The following CYBB variants were observed in gnomAD, a reference collection of about 807,000 sequenced individuals.
The protein encoded by CYBB is NADPH oxidase 2.
Under a neutral mutation model 46.5 loss-of-function variants are expected in CYBB, and 5 were observed. The observed-to-expected ratio is 0.11, with a 90% CI of 0.06 to 0.23. CYBB has a LOEUF of 0.23. Ranked by LOEUF, CYBB falls within the 10% of genes least tolerant of loss-of-function variation. The pLI is 1.00. For synonymous variants in CYBB, 183 were observed against 156.7 expected, an observed-to-expected ratio of 1.17 and a Z score of -1.26; for missense variants, 307 against 428.3, an observed-to-expected ratio of 0.72 and a Z score of 2.50.
intron 2 of CYBB, among the ~76,000 whole-genome samples, chrX:37,783,181 A>G (rs1296054524): frequency 8.9e-6 from 1 of 111,951 alleles, no homozygotes; most frequent in Non-Finnish European, 1.9e-5. Context: ...AGAATGTGAT[A>G]AAGCAAGCAT....
intron 8 of CYBB, among the ~76,000 whole-genome samples, chrX:37,801,586 TTGTGTGTGTGTGTGTG>T (rs58302662): frequency 1.2e-5 from 1 of 84,585 alleles, no homozygotes; most frequent in Non-Finnish European, 2.3e-5. Context: ...CCCCCACCCA[TTGTGTGTGTGTGTGTG>T]TGTGTGTGTG....
chrX:37,807,183 G>A (rs960900894), intron 11 of CYBB, among the ~76,000 whole-genome samples: 4 of 110,458 alleles, frequency 3.6e-5, no homozygotes, highest in Non-Finnish European at 5.7e-5. Flanking sequence ...TGTTTATTAA[G>A]TTAGATGTAT....
rs992077108 is a variant in CYBB, at chrX:37,812,296, G to T, written c.*1379G>T. The T allele has an allele frequency of 1.2e-4, 13 of 111,817 alleles. No homozygotes were observed. Among genetic ancestry groups the T allele is most frequent in the African/African-American group, 4.2e-4 (13 of 30,793 alleles). 9.2% of individuals were successfully genotyped at this position (111,817 alleles called of 1,213,427 possible). A position where few individuals can be genotyped will look rare whatever the true frequency, so the allele number is the denominator to read the frequency against. The stretch of plus-strand genomic sequence containing the variant: ...CTCCCATTTCTGGGAACTAAAACCA[G>T]TTTTATTTGCCCCACCCCTTGGAGC... On this transcript the variant is annotated 3_prime_UTR_variant, in exon 13 of 13. Transcript: ENST00000378588.
At chrX:37,810,409 A>G (rs1346158296) in intron 12 of CYBB, among the ~76,000 whole-genome samples, 4 of 112,239 alleles carry the variant, frequency 3.6e-5, no homozygotes, top group African/African-American at 1.3e-4. Context: ...AAATTTAGAG[A>G]AATGAAGCCA....
chrX:37,793,273 G>T (rs1556467515), intron 4 of CYBB, among the ~76,000 whole-genome samples: 3 of 109,390 alleles, frequency 2.7e-5, no homozygotes, highest in African/African-American at 1.0e-4. Context: ...CACTACATGA[G>T]TGTTTTCTTG....
chrX:37,786,866 C>T lies in CYBB; in HGVS notation c.252+3266C>T, dbSNP rs199582860. On this transcript the variant is annotated intron_variant, in intron 3 of 12. Coordinates refer to ENST00000378588, the MANE Select transcript of CYBB (RefSeq NM_000397.4). ...CTCAGTGTGCCTCTATCTTTAATCA[C>T]GTGGTCTAGCACTAGTCTCTTGGGC... Among the ~76,000 whole-genome samples, 26 of 110,640 alleles carry T rather than the reference C, an allele frequency of 2.3e-4. No individual in the cohort carries two copies. In the East Asian group the frequency reaches 6.6e-3, roughly 28 times the overall value.
chrX:37,791,389 G>A (rs1193932194), intron 3 of CYBB, among the ~76,000 whole-genome samples: 5 of 112,000 alleles, frequency 4.5e-5, no homozygotes, highest in Middle Eastern at 4.6e-3. Context: ...TAAAACAGTT[G>A]CAGAAGCTCT....
chrX:37,805,944 T>C (rs782615533), intron 10 of CYBB, among the ~76,000 whole-genome samples: 2 of 112,456 alleles, frequency 1.8e-5, no homozygotes, highest in East Asian at 5.6e-4. Context: ...CTGTACCTCT[T>C]TTCCATGTGG....
rs1157030054 is a variant in CYBB at position 37,804,145 on chromosome X, C to A, written c.1151+15C>A. 9.1e-6 allele frequency: 11 copies of A among 1,205,613 alleles called. No individual in the cohort carries two copies. The highest frequency in any genetic ancestry group is 9.0e-6 in the Non-Finnish European group (8 of 891,728). ...AAACTACCTAAGTGAGTAAAAAGTA[C>A]ATATTACCAACGTATATGAGTTCAG... is the stretch of plus-strand genomic sequence containing the variant. On this transcript the variant is annotated intron_variant, in intron 9 of 12. Transcript: ENST00000378588.
intron 3 of CYBB, among the ~76,000 whole-genome samples, chrX:37,786,907 T>A (rs1929081742): frequency 9.2e-6 from 1 of 108,476 alleles, no homozygotes; most frequent in Non-Finnish European, 1.9e-5. Flanking sequence ...GTCTCATAGT[T>A]TTTTTTTTTA....
At chrX:37,793,560 T>A in intron 4 of CYBB, 105 bp from the exon 5 acceptor site, 1 of 912,649 alleles carries the variant, frequency 1.1e-6, no homozygotes, top group Non-Finnish European at 1.6e-6. Context: ...TCCCTTTGTC[T>A]CCCTGTGGCT....
At position 37,811,041 on chromosome X, in the gene CYBB, C is replaced by T; in HGVS notation, c.*124C>T. On this transcript the variant is annotated 3_prime_UTR_variant, in exon 13 of 13. Transcript: ENST00000378588. The stretch of plus-strand genomic sequence containing the variant: ...AAAGAAACTATAATGTAATGGTTTT[C>T]CCTTAAAGGAATGTCAAAGATTGTT... The T allele has an allele frequency of 1.5e-6, 1 of 661,850 alleles. No individual in the cohort carries two copies. The highest frequency in any genetic ancestry group is 2.3e-6 in the Non-Finnish European group (1 of 437,182). 54.5% of individuals were successfully genotyped at this position (661,850 alleles called of 1,213,427 possible).
chrX:37,806,896 CTGTGTG>C (rs72172606), intron 11 of CYBB, among the ~76,000 whole-genome samples: 4,539 of 106,341 alleles, frequency 0.043, 295 homozygotes, highest in African/African-American at 0.15. Flanking sequence ...CTCTCTGTCT[CTGTGTG>C]TGTGTGTGTG....
At chrX:37,796,210 G>T (rs911047520) in intron 6 of CYBB, 69 bp downstream of exon 6, 32 of 940,755 alleles carry the variant, frequency 3.4e-5, no homozygotes, top group Non-Finnish European at 4.6e-5. Flanking sequence ...CTCCATTAGA[G>T]GCACAGTGAC....
At chrX:37,780,157 T>G in intron 1 of CYBB, 35 bp downstream of exon 1, 4 of 1,134,136 alleles carry the variant, frequency 3.5e-6, no homozygotes, top group Non-Finnish European at 4.8e-6. Flanking sequence ...ATAAATTCTC[T>G]GACTTCTCGG....
At chrX:37,801,486 T>C in intron 8 of CYBB, 138 bp downstream of exon 8, 1 of 528,967 alleles carries the variant, frequency 1.9e-6, no homozygotes. Flanking sequence ...CTTAGCTCAA[T>C]AATCAAATGT....
intron 3 of CYBB, among the ~76,000 whole-genome samples, chrX:37,786,787 G>A (rs1929077651): frequency 9.0e-6 from 1 of 111,199 alleles, no homozygotes; most frequent in Non-Finnish European, 1.9e-5. Flanking sequence ...GAAACAGGAA[G>A]GTGAGAGGGT....
In CYBB at chrX:37,796,091, A is replaced by G. The variant is rs2146811808; in HGVS notation, c.624A>G (p.Thr208=). Residue 208 remains threonine, a synonymous_variant, in exon 6 of 13, where the codon ACA becomes ACG. Transcript: ENST00000378588. ...CTTACTTTGAAGTCTTTTGGTACAC[A>G]CATCATCTCTTTGTGATCTTCTTCA... The part of the protein sequence containing the change: ...RRSYFEVFWY[T]HHLFVIFFIG... The G allele has an allele frequency of 8.3e-7, 1 of 1,210,376 alleles. No individual in the cohort carries two copies.
At position 37,804,074 on chromosome X, in the gene CYBB, G is replaced by A. The variant is rs1044242339; in HGVS notation, c.1095G>A (p.Leu365=). Residue 365 remains leucine (L), a synonymous_variant, in exon 9 of 13, where the codon CTG becomes CTA. Coordinates refer to ENST00000378588, the MANE Select transcript of CYBB (RefSeq NM_000397.4). Reference sequence around the variant, plus strand: ...TCGTTGGGGACTGGACAGAGGGGCTGTTCAATGCTTGTGGCTGTGATAAGC... The same window carrying A: ...TCGTTGGGGACTGGACAGAGGGGCTATTCAATGCTTGTGGCTGTGATAAGC... ...IRIVGDWTEG[L]FNACGCDKQE... 8.3e-7 allele frequency: 1 copy of A among 1,210,945 alleles called. No individual in the cohort carries two copies. The highest frequency in any genetic ancestry group is 3.0e-5 in the East Asian group (1 of 33,801).
Sources: allele counts gnomAD v4.1 joint callset (sites outside exome capture counted in the v4.1 genomes callset), GRCh38; gene constraint gnomAD v4.1.1; transcripts MANE v1.5; gene names NCBI Gene and HGNC (gene_info 2026-07-23, HGNC 2026-07-21).